BEAN1: variants seen among roughly 807,000 people sequenced by gnomAD.
The protein encoded by BEAN1 is protein BEAN1.
Under a neutral mutation model 17.7 loss-of-function variants are expected in BEAN1, and 17 were observed. The observed-to-expected ratio is 0.96, with a 90% CI of 0.66 to 1.44. BEAN1 has a LOEUF of 1.44. BEAN1 is among the 40% of genes most tolerant of loss of function. The pLI, the probability that BEAN1 is intolerant of heterozygous loss-of-function variation, is 0.00. For missense variants in BEAN1, 359 were observed against 374.1 expected (o/e 0.96, Z 0.33); for synonymous variants, 142 against 151.8 (o/e 0.94, Z 0.47).
At chr16:66,436,523 C>T (rs1567481916) in intron 1 of BEAN1, among the ~76,000 whole-genome samples, 1 of 151,196 alleles carries the variant, frequency 6.6e-6, no homozygotes, top group Non-Finnish European at 1.5e-5. Flanking sequence ...TATGATCTGC[C>T]CGCCTCGGCC....
At chr16:66,493,012 C>G (rs961811673) in exon 5 of BEAN1, 1 of 703,062 alleles carries the variant, frequency 1.4e-6, no homozygotes, top group Non-Finnish European at 2.6e-6. Flanking sequence ...TTTCCAGACA[C>G]AAACTGGACG....
At chr16:66,486,748 G>C (rs1597056823), downstream of BEAN1, among the ~76,000 whole-genome samples, 2 of 152,318 alleles carry the variant, frequency 1.3e-5, no homozygotes, top group East Asian at 3.9e-4. Context: ...ACACACAGAC[G>C]AGCAGCCTCT....
chr16:66,493,163 G>A (rs894270005), exon 5 of BEAN1: 8 of 702,848 alleles, frequency 1.1e-5, no homozygotes, highest in East Asian at 5.4e-5. Flanking sequence ...TCTCAGAACC[G>A]CGGGCACACG....
chr16:66,429,874 A>C (rs927354305), intron 1 of BEAN1, among the ~76,000 whole-genome samples: 7 of 152,188 alleles, frequency 4.6e-5, no homozygotes, highest in Non-Finnish European at 5.9e-5. Context: ...GGATGCAGGC[A>C]TTACTGTCAG....
chr16:66,456,496 C>T (rs778270127), intron 2 of BEAN1, among the ~76,000 whole-genome samples: 1 of 152,180 alleles, frequency 6.6e-6, no homozygotes, highest in Non-Finnish European at 1.5e-5. Context: ...ATATAAAAGC[C>T]TCTGGGCTCT....
intron 2 of BEAN1, among the ~76,000 whole-genome samples, chr16:66,450,150 G>A (rs938765183): frequency 1.3e-5 from 2 of 152,198 alleles, no homozygotes; most frequent in Admixed American, 1.3e-4. Context: ...CACATCCAGG[G>A]TTTCTCCTGC....
chr16:66,487,818 G>T (rs1281866263), downstream of BEAN1, among the ~76,000 whole-genome samples: 2 of 152,144 alleles, frequency 1.3e-5, no homozygotes. Context: ...AGCAGCCCCT[G>T]CAGATCTCCC....
At chr16:66,493,646 C>A (rs1200017559), downstream of BEAN1, 8 of 481,634 alleles carry the variant, frequency 1.7e-5, no homozygotes, top group South Asian at 4.5e-5. Flanking sequence ...CAGGGGGCAG[C>A]CCCTGGTCTC....
downstream of BEAN1, chr16:66,483,096 A>G (rs1964033186): frequency 1.2e-5 from 4 of 338,544 alleles, no homozygotes; most frequent in African/African-American, 2.2e-5. Context: ...CCTGGTCTCA[A>G]GCGATCCTCT....
At chr16:66,485,471 G>A, downstream of BEAN1, 4 of 301,738 alleles carry the variant, frequency 1.3e-5, no homozygotes, top group Admixed American at 4.5e-5. Flanking sequence ...CTGAGGAAGT[G>A]AATCTTCTGT....
chr16:66,436,705 T>C (rs1461607495), intron 1 of BEAN1, among the ~76,000 whole-genome samples: 2 of 151,668 alleles, frequency 1.3e-5, no homozygotes, highest in Non-Finnish European at 2.9e-5. Context: ...CCTCCCGAAA[T>C]ACTGGGATTA....
intron 2 of BEAN1, among the ~76,000 whole-genome samples, chr16:66,441,307 C>T (rs992577313): frequency 2.0e-5 from 3 of 152,106 alleles, no homozygotes; most frequent in Admixed American, 6.5e-5. Context: ...GGACCCTGAG[C>T]GCTCCAGACC....
At chr16:66,454,560 A>G (rs1325976056) in intron 2 of BEAN1, among the ~76,000 whole-genome samples, 1 of 152,044 alleles carries the variant, frequency 6.6e-6, no homozygotes, top group Non-Finnish European at 1.5e-5. Flanking sequence ...AGCTGTTTGT[A>G]TGCTATATCT....
In BEAN1 at chr16:66,430,288, C is replaced by T. The variant is rs370429056; in HGVS notation, c.-83+2857C>T. Among the ~76,000 whole-genome samples the T allele has an allele frequency of 6.6e-5, 10 of 152,328 alleles. No individual in the cohort carries two copies. In the East Asian group the frequency reaches 7.7e-4, roughly 12 times the overall value. Reference sequence around the variant, plus strand: ...ACATTGTGAACATGCATTGCACACACGCTGTTTCCTAAACGTATGCATTTT... The same window carrying T: ...ACATTGTGAACATGCATTGCACACATGCTGTTTCCTAAACGTATGCATTTT... On this transcript the variant is annotated intron_variant, in intron 1 of 4. Coordinates refer to ENST00000536005, the MANE Select transcript of BEAN1 (RefSeq NM_001178020.3).
Position 66,444,999 on chromosome 16 carries a change from G to A in BEAN1, c.25+7298G>A, listed in dbSNP as rs184917673. ...TCCTCTTCCATTCATTTATTCATTCGTTCAACAAATATTTATTGAGCATTT... is the reference window on the plus strand; with the variant it reads ...TCCTCTTCCATTCATTTATTCATTCATTCAACAAATATTTATTGAGCATTT... On this transcript the variant is annotated intron_variant, in intron 2 of 4. Transcript: ENST00000536005. Among the ~76,000 whole-genome samples the A allele has an allele frequency of 5.2e-3, 796 of 152,270 alleles. 2 individuals carry two copies. Among genetic ancestry groups the A allele is most frequent in the African/African-American group, 0.017 (715 of 41,544 alleles).
At chr16:66,460,501 G>A (rs4783598) in intron 2 of BEAN1, among the ~76,000 whole-genome samples, 13,796 of 152,152 alleles carry the variant, frequency 0.091, 786 homozygotes, top group East Asian at 0.22. Flanking sequence ...GGAGGTCCTC[G>A]CACATCCCTG....
intron 2 of BEAN1, among the ~76,000 whole-genome samples, chr16:66,461,739 C>T (rs1171158464): frequency 1.3e-5 from 2 of 152,160 alleles, no homozygotes; most frequent in African/African-American, 2.4e-5. Flanking sequence ...AGAAGACATT[C>T]CAGAGCCCCA....
At chr16:66,492,685 C>A (rs2142490912) in intron 4 of BEAN1, among the ~76,000 whole-genome samples, 1 of 152,266 alleles carries the variant, frequency 6.6e-6, no homozygotes, top group South Asian at 2.1e-4. Flanking sequence ...AGGTGATCCG[C>A]CCTCCTTGGC....
At chr16:66,436,255 T>C (rs563808479) in intron 1 of BEAN1, among the ~76,000 whole-genome samples, 1 of 150,298 alleles carries the variant, frequency 6.7e-6, no homozygotes, top group East Asian at 2.0e-4. Context: ...ATGGGCTACT[T>C]TTTTTCTTTT....
Sources: gnomAD v4.1 joint callset for allele counts (sites outside exome capture counted in the v4.1 genomes callset) on GRCh38, gnomAD v4.1.1 for gene constraint, MANE v1.5 for transcripts, NCBI Gene and HGNC (gene_info 2026-07-23, HGNC 2026-07-21) for gene names.